Variants in CDH7 observed in about 807,000 individuals in gnomAD.
CDH7 encodes cadherin 7.
Under a neutral mutation model 71.8 loss-of-function variants are expected in CDH7, and 25 were observed. That is an observed-to-expected ratio of 0.35 (90% CI 0.25 to 0.49). The LOEUF (loss-of-function observed/expected upper bound fraction) is 0.49. Ranked by LOEUF, CDH7 falls within the 20% of genes least tolerant of loss-of-function variation. The probability of loss-of-function intolerance (pLI) is 0.99; values close to 1 mark genes in which losing one functional copy is unlikely to be tolerated. For synonymous variants in CDH7, 381 were observed against 363.8 expected (o/e 1.05, Z -0.54); for missense variants, 862 against 974.6 (o/e 0.88, Z 1.54).
At chr18:65,871,965 G>A (rs923370298) in intron 11 of CDH7, among the ~76,000 whole-genome samples, 3 of 151,636 alleles carry the variant, frequency 2.0e-5, no homozygotes, top group Non-Finnish European at 2.9e-5. Context: ...CACTGGGCTC[G>A]CCTAGGAAGA....
intron 7 of CDH7, among the ~76,000 whole-genome samples, chr18:65,848,199 G>T (rs1292713848): frequency 1.3e-5 from 2 of 152,082 alleles, no homozygotes; most frequent in Admixed American, 6.6e-5. Flanking sequence ...GGTAAAAGAT[G>T]TAAGAACAGC....
chr18:65,756,394 A>G (rs1259444940), intron 1 of CDH7, among the ~76,000 whole-genome samples: 2 of 152,186 alleles, frequency 1.3e-5, no homozygotes, highest in Non-Finnish European at 1.5e-5. Context: ...CTCAAATGTC[A>G]TTCCTACACT....
intron 2 of CDH7, among the ~76,000 whole-genome samples, chr18:65,792,707 C>A (rs1910758358): frequency 6.6e-6 from 1 of 152,162 alleles, no homozygotes; most frequent in South Asian, 2.1e-4. Flanking sequence ...ACTCTTCACT[C>A]TATCCGTTGT....
chr18:65,829,829 G>A (rs945358300), intron 6 of CDH7, among the ~76,000 whole-genome samples: 1 of 145,066 alleles, frequency 6.9e-6, no homozygotes, highest in African/African-American at 2.6e-5. Flanking sequence ...TTCAATCATG[G>A]GAACTGGTCT....
Position 65,822,072 on chromosome 18 carries a change from A to AT in CDH7, c.626-5dup, listed in dbSNP as rs1568203906. ...ATGATGAGTTTTACTGGGATTTGAA[A>AT]TTTTACAGGAGTCATCAAGACTGCC... On this transcript the variant is annotated splice_polypyrimidine_tract_variant and intron_variant, in intron 4 of 11. Transcript: ENST00000397968. 1.2e-6 allele frequency: 2 copies of AT among 1,609,454 alleles called. No homozygotes were observed. Among genetic ancestry groups the AT allele is most frequent in the Non-Finnish European group, 1.7e-6 (2 of 1,175,988 alleles).
intron 2 of CDH7, among the ~76,000 whole-genome samples, chr18:65,767,658 A>G (rs190702102): frequency 6.6e-6 from 1 of 152,194 alleles, no homozygotes; most frequent in African/African-American, 2.4e-5. Flanking sequence ...AACTAGAGTC[A>G]ATTTGTAAAG....
At chr18:65,876,849 T>C (rs1029816217) in intron 11 of CDH7, among the ~76,000 whole-genome samples, 4 of 152,236 alleles carry the variant, frequency 2.6e-5, no homozygotes, top group Non-Finnish European at 5.9e-5. Flanking sequence ...TTAACATATT[T>C]TTGTTAAACA....
chr18:65,859,636 G>T (rs2144031839), intron 9 of CDH7, 72 bp from the exon 10 acceptor site: 3 of 862,794 alleles, frequency 3.5e-6, no homozygotes, highest in Non-Finnish European at 4.0e-6. Flanking sequence ...GTGTAAAATT[G>T]CTTTGTCCTG....
intron 7 of CDH7, among the ~76,000 whole-genome samples, chr18:65,854,310 A>ATAAG (rs1276264484): frequency 6.6e-6 from 1 of 151,214 alleles, no homozygotes; most frequent in African/African-American, 2.4e-5. Context: ...GTTTAAATAA[A>ATAAG]TAAATATATC....
intron 3 of CDH7, among the ~76,000 whole-genome samples, chr18:65,811,994 G>C (rs777438903): frequency 7.0e-5 from 7 of 99,416 alleles, no homozygotes; most frequent in Non-Finnish European, 1.3e-4. Context: ...TTGCGAGATG[G>C]AGTCTCACTC....
chr18:65,773,315 A>T (rs1487067120), intron 2 of CDH7, among the ~76,000 whole-genome samples: 2 of 152,190 alleles, frequency 1.3e-5, no homozygotes, highest in African/African-American at 2.4e-5. Flanking sequence ...TATAAATATT[A>T]TATGAATATC....
intron 11 of CDH7, among the ~76,000 whole-genome samples, chr18:65,868,612 C>T (rs1395552309): frequency 6.6e-6 from 1 of 152,112 alleles, no homozygotes; most frequent in Admixed American, 6.6e-5. Flanking sequence ...ATTATTTATT[C>T]GGTTAACTCT....
intron 5 of CDH7, among the ~76,000 whole-genome samples, chr18:65,822,845 A>G (rs1911984832): frequency 1.3e-5 from 2 of 152,028 alleles, no homozygotes; most frequent in Admixed American, 6.5e-5. Context: ...ATTTGACCAA[A>G]GGGGCTTTTA....
At chr18:65,840,761 A>G (rs750848218) in intron 6 of CDH7, among the ~76,000 whole-genome samples, 1 of 152,126 alleles carries the variant, frequency 6.6e-6, no homozygotes, top group Non-Finnish European at 1.5e-5. Flanking sequence ...TCTTTTGTAA[A>G]TTGCCCAATC....
rs77714186 is a variant in CDH7, at chr18:65,800,606, A to G, written c.211-9098A>G. Among the ~76,000 whole-genome samples, 754 of 152,276 alleles carry G rather than the reference A, an allele frequency of 5.0e-3. 2 individuals are homozygous for G. The highest frequency in any genetic ancestry group is 9.0e-3 in the Admixed American group (137 of 15,286). ...TCCCACTTGATGTTAGAAACTAGAA[A>G]CCTACATACTAAATTTCACAAAATA... On this transcript the variant is annotated intron_variant, in intron 2 of 11. Transcript: ENST00000397968.
intron 2 of CDH7, among the ~76,000 whole-genome samples, chr18:65,800,272 G>T (rs141654932): frequency 6.6e-6 from 1 of 152,058 alleles, no homozygotes; most frequent in East Asian, 1.9e-4. Context: ...ATAGAGACAG[G>T]GTTTCACCAT....
At chr18:65,770,321 AAATCTAAATAATTGTT>A (rs1428445803) in intron 2 of CDH7, among the ~76,000 whole-genome samples, 1 of 152,196 alleles carries the variant, frequency 6.6e-6, no homozygotes, top group East Asian at 1.9e-4. Context: ...ATTGCCTACA[AAATCTAAATAATTGTT>A]TTGCATTGTG....
chr18:65,835,354 C>G (rs1389332193), intron 6 of CDH7, among the ~76,000 whole-genome samples: 1 of 152,092 alleles, frequency 6.6e-6, no homozygotes, highest in Non-Finnish European at 1.5e-5. Context: ...TGTTGAGTTC[C>G]AGCGCTGCTC....
At chr18:65,867,251 G>A (rs1482864478) in intron 11 of CDH7, among the ~76,000 whole-genome samples, 1 of 151,986 alleles carries the variant, frequency 6.6e-6, no homozygotes, top group Non-Finnish European at 1.5e-5. Context: ...TAGCCAGGAT[G>A]GTCTCGATCT....
Sources: allele counts gnomAD v4.1 joint callset (sites outside exome capture counted in the v4.1 genomes callset), GRCh38; gene constraint gnomAD v4.1.1; transcripts MANE v1.5; gene names NCBI Gene and HGNC (gene_info 2026-07-23, HGNC 2026-07-21).